The following IVD variants were observed in gnomAD, a reference collection of about 807,000 sequenced individuals.
IVD encodes the protein isovaleryl-CoA dehydrogenase, mitochondrial.
In IVD, 31 loss-of-function variants were observed where a neutral mutation model predicts 51.3. The observed-to-expected ratio is 0.60, with a 90% confidence interval of 0.45 to 0.81. The LOEUF (loss-of-function observed/expected upper bound fraction) is 0.81, where lower values mean the gene tolerates loss of function less well. IVD is among the 40% of genes least tolerant of loss of function. The pLI is 0.00. For missense variants in IVD, 475 were observed against 552.0 expected (o/e 0.86, Z 1.40); for synonymous variants, 205 against 219.4 (o/e 0.93, Z 0.58).
chr15:40,419,135 A>AAAAAC lies in IVD; in HGVS notation c.*887_*891dup, dbSNP rs1193057986. The AAAAAC allele has an allele frequency of 4.7e-6, 6 of 1,288,798 alleles. No homozygotes were observed. The highest frequency in any genetic ancestry group is 2.3e-5 in the Admixed American group (1 of 43,480). 79.8% of individuals were successfully genotyped at this position (1,288,798 alleles called of 1,614,324 possible). A position where few individuals can be genotyped will look rare whatever the true frequency, so the allele number is the denominator to read the frequency against. On this transcript the variant is annotated 3_prime_UTR_variant, in exon 12 of 12. Transcript: ENST00000487418. ...TGGGCGACAAGAGCAAAACTCTTCAAAAAACAAAACAAAACAAAAAAACCC... is the reference window on the plus strand; with the variant it reads ...TGGGCGACAAGAGCAAAACTCTTCAAAAAACAAAACAAAACAAAACAAAAAAACCC...
chr15:40,422,232 TGAAAG>T (rs66791338), downstream of IVD, among the ~76,000 whole-genome samples: 70,050 of 151,710 alleles, frequency 0.46, 18,127 homozygotes, highest in East Asian at 0.79. Flanking sequence ...AATAAGGACA[TGAAAG>T]GGAAGAGGGG....
At position 40,420,548 on chromosome 15, in the gene IVD, C is replaced by G. The variant is rs114657778; in HGVS notation, c.*2285C>G. ...CCCAGGTCCTATTCCTGTCCTCCAGCCCGTTCTTTCATGAGGGACAGGAAG... is the reference window on the plus strand; with the variant it reads ...CCCAGGTCCTATTCCTGTCCTCCAGGCCGTTCTTTCATGAGGGACAGGAAG... On this transcript the variant is annotated 3_prime_UTR_variant, in exon 12 of 12. Transcript: ENST00000487418. 2.9e-3 allele frequency: 2,817 copies of G among 987,576 alleles called. 64 individuals are homozygous for G. In the African/African-American group the frequency reaches 0.046, roughly 16 times the overall value. 61.2% of individuals were successfully genotyped at this position (987,576 alleles called of 1,614,324 possible).
Position 40,414,944 on chromosome 15 carries a change from G to C in IVD, c.840G>C (p.Leu280=). The part of the protein sequence containing the change: ...NKGVYVLMSG[L]DLERLVLAGG... Reference sequence around the variant, plus strand: ...GTGTCTACGTGCTGATGAGTGGGCTGGACCTGGAGCGGCTGGTGCTGGCCG... The same window carrying C: ...GTGTCTACGTGCTGATGAGTGGGCTCGACCTGGAGCGGCTGGTGCTGGCCG... The change falls in exon 8 of 12, where the codon CTG becomes CTC. Residue 280 remains leucine (L), a synonymous_variant. Transcript: ENST00000487418. 1 of 1,614,166 alleles carries C rather than the reference G, an allele frequency of 6.2e-7. No individual in the cohort carries two copies. The highest frequency in any genetic ancestry group is 8.5e-7 in the Non-Finnish European group (1 of 1,180,024).
At chr15:40,435,399 G>C in intron 8 of IVD, 1 of 1,116,406 alleles carries the variant, frequency 9.0e-7, no homozygotes, top group Non-Finnish European at 1.1e-6. Flanking sequence ...CGCTAAAAGA[G>C]GGCTCTCTTT....
At chr15:40,415,647 A>G (rs1891588387) in intron 9 of IVD, among the ~76,000 whole-genome samples, 165 bp downstream of exon 9, 1 of 152,226 alleles carries the variant, frequency 6.6e-6, no homozygotes, top group Non-Finnish European at 1.5e-5. Flanking sequence ...TGACTCTGGA[A>G]GTCATCAGGA....
intron 7 of IVD, among the ~76,000 whole-genome samples, chr15:40,431,251 T>C (rs1242989052): frequency 6.6e-6 from 1 of 151,866 alleles, no homozygotes; most frequent in African/African-American, 2.4e-5. Context: ...CCCTGAGACC[T>C]GGGATTACAG....
intron 5 of IVD, 40 bp from the exon 6 acceptor site, chr15:40,411,515 C>G (rs749778050): frequency 8.1e-6 from 13 of 1,614,028 alleles, no homozygotes; most frequent in Non-Finnish European, 1.0e-5. Flanking sequence ...CTGAGACAGG[C>G]CAAGATGGCT....
chr15:40,434,562 A>G (rs1893160527), intron 8 of IVD, among the ~76,000 whole-genome samples: 1 of 152,200 alleles, frequency 6.6e-6, no homozygotes, highest in Admixed American at 6.5e-5. Flanking sequence ...CGGGCAAAGC[A>G]GCAGATGGTC....
chr15:40,406,334 C>A (rs866143197), intron 1 of IVD: 3 of 1,346,698 alleles, frequency 2.2e-6, no homozygotes, highest in African/African-American at 2.9e-5. Flanking sequence ...AGTTCACTTA[C>A]ACCTGAACAG....
rs531429598 is a variant in IVD, at chr15:40,415,490, G to T, written c.960+8G>T. ...AAGATCGGCCACTTCCAGGTGAGCC[G>T]AGTGCTTTTGCTGACATGTACTCTT... On this transcript the variant is annotated splice_region_variant and intron_variant, in intron 9 of 11. Coordinates refer to ENST00000487418, the MANE Select transcript of IVD (RefSeq NM_002225.5). 2.5e-6 allele frequency: 4 copies of T among 1,612,618 alleles called. No homozygotes were observed. Among genetic ancestry groups the T allele is most frequent in the Non-Finnish European group, 1.7e-6 (2 of 1,178,956 alleles).
Position 40,416,336 on chromosome 15 carries a change from T to A in IVD, c.1112T>A (p.Val371Glu). The change falls in exon 11 of 12, where the codon GTA becomes GAA. Residue 371 changes from valine (V) to glutamate (E), a missense_variant. Coordinates refer to ENST00000487418, the MANE Select transcript of IVD (RefSeq NM_002225.5). ...ILYSAECATQVALDGIQCFGG... is the reference protein window; with the variant it reads ...ILYSAECATQEALDGIQCFGG... ...TACTCAGCTGAGTGTGCCACACAGG[T>A]AGCCCTGGACGGCATTCAGTGTTTT... is the stretch of plus-strand genomic sequence containing the variant. 6.2e-7 allele frequency: 1 copy of A among 1,614,140 alleles called. No homozygotes were observed. The highest frequency in any genetic ancestry group is 1.1e-5 in the South Asian group (1 of 91,090).
chr15:40,418,896 G>A lies in IVD; in HGVS notation c.*633G>A. 1 of 568,932 alleles carries A rather than the reference G, an allele frequency of 1.8e-6. No individual in the cohort carries two copies. Among genetic ancestry groups the A allele is most frequent in the South Asian group, 2.3e-5 (1 of 43,174 alleles). The allele number at this position is 568,932 out of a possible 1,614,324, so 35.2% of individuals were successfully genotyped here. ...GCTTGTAATCCCAGCACTTCAGGAG[G>A]CTGAGATGGGTGGATCACCTGAGGT... On this transcript the variant is annotated 3_prime_UTR_variant, in exon 12 of 12. Coordinates refer to ENST00000487418, the MANE Select transcript of IVD (RefSeq NM_002225.5).
intron 7 of IVD, among the ~76,000 whole-genome samples, chr15:40,433,465 C>T (rs1350012631): frequency 6.6e-6 from 1 of 152,178 alleles, no homozygotes; most frequent in Non-Finnish European, 1.5e-5. Flanking sequence ...TCCCAGGGGT[C>T]TGTACGTCTG....
chr15:40,416,508 T>C (rs1195734099), intron 11 of IVD, 146 bp downstream of exon 11: 1 of 732,080 alleles, frequency 1.4e-6, no homozygotes, highest in Non-Finnish European at 2.4e-6. Flanking sequence ...TCACCTGAGG[T>C]CAGGAGTTCA....
downstream of IVD, among the ~76,000 whole-genome samples, chr15:40,422,954 C>T (rs35700143): frequency 0.46 from 70,047 of 151,154 alleles, 18,161 homozygotes; most frequent in East Asian, 0.79. Context: ...CAGGATCTCA[C>T]TCTGTCACCC....
intron 8 of IVD, 88 bp downstream of exon 8, chr15:40,415,070 G>T (rs553583235): frequency 2.0e-6 from 3 of 1,471,688 alleles, no homozygotes; most frequent in East Asian, 2.4e-5. Flanking sequence ...TTCCCCTTGC[G>T]GGGCCAAAGG....
Position 40,421,180 on chromosome 15 carries a change from T to C in IVD, c.*2917T>C. 1 of 985,426 alleles carries C rather than the reference T, an allele frequency of 1.0e-6. No individual in the cohort carries two copies. The highest frequency in any genetic ancestry group is 6.1e-5 in the Admixed American group (1 of 16,294). 61.0% of individuals were successfully genotyped at this position (985,426 alleles called of 1,614,324 possible). On this transcript the variant is annotated 3_prime_UTR_variant, in exon 12 of 12. Coordinates refer to ENST00000487418, the MANE Select transcript of IVD (RefSeq NM_002225.5). ...GCTGGAGAGACCAGCCTGGAGACAATGTGGCAAAATGGGGCGCTTCATCCA... is the reference window on the plus strand; with the variant it reads ...GCTGGAGAGACCAGCCTGGAGACAACGTGGCAAAATGGGGCGCTTCATCCA...
At chr15:40,434,759 C>T (rs1436886248) in intron 8 of IVD, among the ~76,000 whole-genome samples, 1 of 152,150 alleles carries the variant, frequency 6.6e-6, no homozygotes, top group Non-Finnish European at 1.5e-5. Context: ...TGAATGGGCA[C>T]GACCTATGCT....
In IVD at chr15:40,415,470, C is replaced by G. The variant is rs754100750; in HGVS notation, c.948C>G (p.Ile316Met). Reference sequence around the variant, plus strand: ...TGAGGGAAGCCTTTGGCCAGAAGATCGGCCACTTCCAGGTGAGCCGAGTGC... The same window carrying G: ...TGAGGGAAGCCTTTGGCCAGAAGATGGGCCACTTCCAGGTGAGCCGAGTGC... ...LHVREAFGQK[I>M]GHFQLMQGKM... The change falls in exon 9 of 12, where the codon ATC (isoleucine) becomes ATG (methionine). Residue 316 changes from isoleucine to methionine, a missense_variant. By Grantham distance (10) the Ile-to-Met change is conservative. Transcript: ENST00000487418. 1 of 1,613,976 alleles carries G rather than the reference C, an allele frequency of 6.2e-7. No homozygotes were observed. The highest frequency in any genetic ancestry group is 1.1e-5 in the South Asian group (1 of 91,042).
Sources: gnomAD v4.1 joint callset for allele counts (sites outside exome capture counted in the v4.1 genomes callset) on GRCh38, gnomAD v4.1.1 for gene constraint, MANE v1.5 for transcripts, NCBI Gene and HGNC (gene_info 2026-07-23, HGNC 2026-07-21) for gene names.